ANKRD11: variants seen among roughly 807,000 people sequenced by gnomAD.
ANKRD11 encodes ankyrin repeat domain-containing protein 11.
A neutral mutation model predicts 195.7 loss-of-function variants in ANKRD11; 17 were observed. The observed-to-expected ratio is 0.09, with a 90% CI of 0.06 to 0.13. The LOEUF (loss-of-function observed/expected upper bound fraction) is 0.13. ANKRD11 is among the 10% of genes least tolerant of loss of function. The pLI is 1.00. For synonymous variants in ANKRD11, 1,953 were observed against 1,528.1 expected, an observed-to-expected ratio of 1.28 and a Z score of -6.49; for missense variants, 3,735 against 3,566.1, an observed-to-expected ratio of 1.05 and a Z score of -1.21.
At chr16:89,476,711 G>C (rs1018793905) in intron 1 of ANKRD11, among the ~76,000 whole-genome samples, 1 of 152,178 alleles carries the variant, frequency 6.6e-6, no homozygotes, top group Non-Finnish European at 1.5e-5. Flanking sequence ...ACATATCCTA[G>C]AGGTATACTA....
chr16:89,278,698 G>A (rs1421951056), intron 9 of ANKRD11: 2 of 486,970 alleles, frequency 4.1e-6, no homozygotes, highest in Non-Finnish European at 8.1e-6. Context: ...GGGCGGGGCA[G>A]GGGCAGGAGA....
At chr16:89,319,018 A>G (rs577938266) in intron 2 of ANKRD11, among the ~76,000 whole-genome samples, 1 of 152,340 alleles carries the variant, frequency 6.6e-6, no homozygotes, top group East Asian at 1.9e-4. Context: ...AGGCTGTTCA[A>G]GCTCATGGCT....
intron 12 of ANKRD11, among the ~76,000 whole-genome samples, chr16:89,269,645 C>A (rs1196721979): frequency 2.0e-5 from 3 of 151,882 alleles, no homozygotes; most frequent in Non-Finnish European, 4.4e-5. Context: ...AATTTTGTCC[C>A]CAGGCTGGAG....
chr16:89,430,832 T>C (rs939371857), intron 1 of ANKRD11, among the ~76,000 whole-genome samples: 2 of 152,216 alleles, frequency 1.3e-5, no homozygotes, highest in Non-Finnish European at 2.9e-5. Context: ...GCTCCTCACA[T>C]ATGACCTTAC....
At chr16:89,407,852 CAAAAAAAA>C (rs60723753) in intron 2 of ANKRD11, among the ~76,000 whole-genome samples, 1 of 111,436 alleles carries the variant, frequency 9.0e-6, no homozygotes, top group Non-Finnish European at 1.8e-5. Flanking sequence ...TGTCTCCCTC[CAAAAAAAA>C]AAAAAAAAAA....
Position 89,282,677 on chromosome 16 carries a change from G to A in ANKRD11, c.3865C>T (p.Leu1289Phe), listed in dbSNP as rs556884094. 4.3e-6 allele frequency: 7 copies of A among 1,614,096 alleles called. No individual in the cohort carries two copies. In the African/African-American group the frequency reaches 5.3e-5, roughly 12 times the overall value. Residue 1289 changes from leucine to phenylalanine, a missense_variant, in exon 9 of 13, where the codon CTC becomes TTC. Coordinates refer to ENST00000301030, the MANE Select transcript of ANKRD11 (RefSeq NM_013275.6). ...SLLEKLEEEA[L>F]HEYREDSNDK... ...TTGGAGTCTTCTCTGTACTCATGGA[G>A]AGCCTCTTCTTCCAACTTTTCAAGC...
intron 11 of ANKRD11, 65 bp from the exon 12 acceptor site, chr16:89,270,974 G>T (rs2151676528): frequency 6.7e-7 from 1 of 1,500,924 alleles, no homozygotes; most frequent in Non-Finnish European, 9.2e-7. Context: ...AGGCATGCCA[G>T]CCTGGGCGAT....
intron 3 of ANKRD11, among the ~76,000 whole-genome samples, chr16:89,311,210 T>A (rs886435604): frequency 1.3e-5 from 2 of 152,278 alleles, no homozygotes; most frequent in African/African-American, 2.4e-5. Flanking sequence ...AGGTTCAACC[T>A]TGAATTCTTG....
At chr16:89,324,735 G>A (rs1472753817) in intron 2 of ANKRD11, 5 of 324,414 alleles carry the variant, frequency 1.5e-5, no homozygotes, top group Non-Finnish European at 3.0e-5. Flanking sequence ...CTACACCAGT[G>A]GTTTGCCAGG....
chr16:89,318,073 G>A (rs2037070778), intron 2 of ANKRD11, among the ~76,000 whole-genome samples: 2 of 152,190 alleles, frequency 1.3e-5, no homozygotes, highest in South Asian at 4.1e-4. Flanking sequence ...AGGCAGTTGG[G>A]GGAGGCCTTC....
chr16:89,367,469 G>A (rs137971128), intron 2 of ANKRD11, among the ~76,000 whole-genome samples: 5 of 152,282 alleles, frequency 3.3e-5, no homozygotes, highest in South Asian at 2.1e-4. Context: ...GGGGAGCGAC[G>A]CTCTCAAACA....
intron 2 of ANKRD11, among the ~76,000 whole-genome samples, chr16:89,335,295 G>T (rs781542607): frequency 6.6e-6 from 1 of 152,140 alleles, no homozygotes; most frequent in Non-Finnish European, 1.5e-5. Context: ...CCCAAGCAGG[G>T]GCTGCAACAG....
chr16:89,380,709 C>A (rs2152103787), intron 2 of ANKRD11, among the ~76,000 whole-genome samples: 1 of 152,376 alleles, frequency 6.6e-6, no homozygotes, highest in East Asian at 1.9e-4. Flanking sequence ...TACCTGCCTG[C>A]TTTCCAGGGA....
intron 2 of ANKRD11, among the ~76,000 whole-genome samples, chr16:89,321,851 G>GA (rs2037347865): frequency 6.6e-6 from 1 of 152,160 alleles, no homozygotes; most frequent in African/African-American, 2.4e-5. Context: ...CCTCTCCTGA[G>GA]ACAGCAAGAC....
At chr16:89,388,315 T>TTTTTTTTTTA (rs2041018887) in intron 2 of ANKRD11, among the ~76,000 whole-genome samples, 2 of 145,396 alleles carry the variant, frequency 1.4e-5, no homozygotes, top group Admixed American at 6.8e-5. Flanking sequence ...TTTTTTTTTT[T>TTTTTTTTTTA]GAGACGGAGT....
intron 2 of ANKRD11, among the ~76,000 whole-genome samples, chr16:89,367,276 C>G (rs1790898221): frequency 6.6e-6 from 1 of 152,258 alleles, no homozygotes; most frequent in African/African-American, 2.4e-5. Context: ...CCGCTCCAGA[C>G]TCCTGCCGCA....
intron 4 of ANKRD11, among the ~76,000 whole-genome samples, chr16:89,296,815 A>G (rs953085232): frequency 6.6e-6 from 1 of 152,156 alleles, no homozygotes; most frequent in African/African-American, 2.4e-5. Context: ...GGCCCCAGGG[A>G]GTGTGGGGCA....
chr16:89,285,216 A>C lies in ANKRD11; in HGVS notation c.1326T>G (p.Pro442=). ...TILPGSKTRE[P]SNAKQQKEKN... ...TTTCCTTCTGCTGCTTGGCATTAGA[A>C]GGCTCTCGTGTCTTACTACCAGGCA... Residue 442 remains proline, a synonymous_variant, in exon 9 of 13, where the codon CCT becomes CCG. Transcript: ENST00000301030. This position sits in a 1 kb window ranked among gnomAD's most constrained non-coding sequence, Gnocchi z 5.6. 2 of 1,613,552 alleles carry C rather than the reference A, an allele frequency of 1.2e-6. No individual in the cohort carries two copies. The highest frequency in any genetic ancestry group is 1.7e-6 in the Non-Finnish European group (2 of 1,180,008).
At chr16:89,347,643 GT>G (rs1342262649) in intron 2 of ANKRD11, among the ~76,000 whole-genome samples, 2 of 149,814 alleles carry the variant, frequency 1.3e-5, no homozygotes, top group Admixed American at 6.7e-5. Flanking sequence ...TCTCCAGGTT[GT>G]GAAAATGTGA....
Sources: allele counts gnomAD v4.1 joint callset (sites outside exome capture counted in the v4.1 genomes callset), GRCh38; gene constraint gnomAD v4.1.1; non-coding constraint Gnocchi (gnomAD v3.1); transcripts MANE v1.5; gene names NCBI Gene and HGNC (gene_info 2026-07-23, HGNC 2026-07-21).